NALF1: variants seen among roughly 807,000 people sequenced by gnomAD.
NALF1 encodes the protein NALCN channel auxiliary factor 1.
In NALF1, 3 loss-of-function variants were observed where a neutral mutation model predicts 48.4. The ratio of observed to expected loss-of-function variants is 0.06; its 90% CI spans 0.03 to 0.16. The LOEUF is 0.16. Among genes scored for constraint, NALF1 ranks in the 10% least tolerant of loss-of-function variants. The probability of loss-of-function intolerance (pLI) is 1.00; values close to 1 mark genes in which losing one functional copy is unlikely to be tolerated. For missense variants in NALF1, 526 were observed against 571.5 expected (o/e 0.92, Z 0.81); for synonymous variants, 262 against 245.7 (o/e 1.07, Z -0.62).
At chr13:107,306,418 G>A (rs965036860) in intron 1 of NALF1, among the ~76,000 whole-genome samples, 2 of 152,036 alleles carry the variant, frequency 1.3e-5, no homozygotes, top group African/African-American at 2.4e-5. Context: ...CAACAATTTT[G>A]TTATTATTTG....
intron 1 of NALF1, among the ~76,000 whole-genome samples, chr13:107,247,579 A>T (rs1398217926): frequency 6.6e-6 from 1 of 152,218 alleles, no homozygotes; most frequent in African/African-American, 2.4e-5. Flanking sequence ...AAAATATTAT[A>T]CGCTGAGGTT....
intron 1 of NALF1, among the ~76,000 whole-genome samples, chr13:107,665,269 G>A (rs1880828295): frequency 6.6e-6 from 1 of 152,064 alleles, no homozygotes; most frequent in South Asian, 2.1e-4. Flanking sequence ...TTTAAAGGGA[G>A]CTTTAACAAG....
intron 1 of NALF1, among the ~76,000 whole-genome samples, chr13:107,606,422 G>T (rs2138428558): frequency 6.6e-6 from 1 of 151,818 alleles, no homozygotes; most frequent in South Asian, 2.1e-4. Flanking sequence ...CTGGAGCGCA[G>T]TGGTGCAATC....
rs927339034 is a variant in NALF1 at position 107,595,081 on chromosome 13, C to T, written c.915+270601G>A. Among the ~76,000 whole-genome samples, 3 of 151,966 alleles carry T rather than the reference C, an allele frequency of 2.0e-5. No individual in the cohort carries two copies. In the South Asian group the frequency reaches 6.2e-4, roughly 32 times the overall value. On this transcript the variant is annotated intron_variant, in intron 1 of 2. Transcript: ENST00000375915. Reference sequence around the variant, plus strand: ...TACAGATACACACATAGTTAGAAAGCGTTCAAGGAACATGAACAGACAAGA... The same window carrying T: ...TACAGATACACACATAGTTAGAAAGTGTTCAAGGAACATGAACAGACAAGA...
intron 2 of NALF1, among the ~76,000 whole-genome samples, chr13:107,186,214 G>A (rs1025047255): frequency 8.6e-5 from 13 of 152,042 alleles, no homozygotes; most frequent in Non-Finnish European, 1.3e-4. Context: ...GTATCCACCG[G>A]GGGATGCTGT....
intron 1 of NALF1, among the ~76,000 whole-genome samples, chr13:107,276,742 C>A (rs750258829): frequency 2.0e-4 from 30 of 151,746 alleles, no homozygotes; most frequent in Non-Finnish European, 4.3e-4. Context: ...GATTAATAAT[C>A]AAACTGTATC....
chr13:107,210,172 G>T (rs781391717), intron 2 of NALF1, among the ~76,000 whole-genome samples: 1 of 151,930 alleles, frequency 6.6e-6, no homozygotes, highest in Non-Finnish European at 1.5e-5. Context: ...TAAAATAAAA[G>T]AAAATAGGCA....
intron 1 of NALF1, among the ~76,000 whole-genome samples, chr13:107,549,388 C>T (rs1877226531): frequency 6.6e-6 from 1 of 152,114 alleles, no homozygotes; most frequent in Non-Finnish European, 1.5e-5. Flanking sequence ...CATTAAGAGT[C>T]TCTAAGAACA....
chr13:107,795,040 T>A (rs1235907425), intron 1 of NALF1, among the ~76,000 whole-genome samples: 2 of 152,146 alleles, frequency 1.3e-5, no homozygotes, highest in East Asian at 3.9e-4. Context: ...ATTAATTTCA[T>A]AAGATGTTTA....
intron 2 of NALF1, among the ~76,000 whole-genome samples, chr13:107,191,601 G>A (rs1310667928): frequency 1.3e-5 from 2 of 152,014 alleles, no homozygotes; most frequent in South Asian, 4.1e-4. Context: ...GCTTCTCCAC[G>A]ACTTTCACAG....
intron 1 of NALF1, among the ~76,000 whole-genome samples, chr13:107,447,189 CCTT>C (rs766637420): frequency 2.6e-5 from 4 of 152,024 alleles, no homozygotes; most frequent in Non-Finnish European, 4.4e-5. Flanking sequence ...TCCTCGTCCT[CCTT>C]CTCTCCTTCT....
At chr13:107,793,050 C>T (rs1252661266) in intron 1 of NALF1, among the ~76,000 whole-genome samples, 2 of 152,120 alleles carry the variant, frequency 1.3e-5, no homozygotes, top group East Asian at 1.9e-4. Flanking sequence ...GTAAATACAA[C>T]CACAAATAAA....
At chr13:107,562,575 A>C (rs371632327) in intron 1 of NALF1, among the ~76,000 whole-genome samples, 42 of 152,320 alleles carry the variant, frequency 2.8e-4, no homozygotes, top group African/African-American at 9.9e-4. Flanking sequence ...CAGTTGATAA[A>C]TGCTGTGGAT....
At chr13:107,380,794 C>A (rs1280361953) in intron 1 of NALF1, among the ~76,000 whole-genome samples, 1 of 151,464 alleles carries the variant, frequency 6.6e-6, no homozygotes, top group Non-Finnish European at 1.5e-5. Context: ...CTGGCTAACA[C>A]GGTGAGACCC....
intron 1 of NALF1, among the ~76,000 whole-genome samples, chr13:107,490,867 TA>T (rs1284227936): frequency 6.6e-6 from 1 of 152,166 alleles, no homozygotes; most frequent in African/African-American, 2.4e-5. Flanking sequence ...TCAATTTCAC[TA>T]AACTCCTGCA....
In NALF1 at chr13:107,554,128, A is replaced by G. The variant is rs540597594; in HGVS notation, c.915+311554T>C. 6.6e-5 allele frequency among the ~76,000 whole-genome samples: 10 copies of G among 152,312 alleles called. 1 individual carries two copies. The South Asian group carries it at 2.1e-3, about 32-fold the overall frequency. On this transcript the variant is annotated intron_variant, in intron 1 of 2. Coordinates refer to ENST00000375915, the MANE Select transcript of NALF1 (RefSeq NM_001080396.3). ...GACATGACAGCAAGCTCCTGACACTACGTAGGGTTCCTGATGTATGGCAGA... is the reference window on the plus strand; with the variant it reads ...GACATGACAGCAAGCTCCTGACACTGCGTAGGGTTCCTGATGTATGGCAGA...
intron 1 of NALF1, among the ~76,000 whole-genome samples, chr13:107,328,921 C>T (rs556497249): frequency 6.6e-6 from 1 of 152,104 alleles, no homozygotes; most frequent in Non-Finnish European, 1.5e-5. Context: ...AATAGGTCTA[C>T]CAAAAATGTT....
intron 1 of NALF1, among the ~76,000 whole-genome samples, chr13:107,641,040 T>C (rs539351339): frequency 3.3e-5 from 5 of 152,316 alleles, no homozygotes; most frequent in Middle Eastern, 3.4e-3. Flanking sequence ...ATAACTAAAA[T>C]ATGGTATTGA....
intron 1 of NALF1, among the ~76,000 whole-genome samples, chr13:107,612,074 G>GGGAGTGGGGGGGAGAGAA (rs1879239482): frequency 1.3e-5 from 1 of 74,946 alleles, no homozygotes; most frequent in Admixed American, 1.4e-4. Context: ...GGGGGAGAGA[G>GGGAGTGGGGGGGAGAGAA]GGGAGTGGGG....
Sources: allele counts gnomAD v4.1 joint callset (sites outside exome capture counted in the v4.1 genomes callset), GRCh38; gene constraint gnomAD v4.1.1; transcripts MANE v1.5; gene names NCBI Gene and HGNC (gene_info 2026-07-23, HGNC 2026-07-21).